The following HYDIN variants were observed in gnomAD, a reference collection of about 807,000 sequenced individuals.
The protein encoded by HYDIN is HYDIN axonemal central pair apparatus protein, also known as axonemal central pair apparatus protein HYDIN.
Under a neutral mutation model 403.9 loss-of-function variants are expected in HYDIN, and 132 were observed. The observed-to-expected ratio is 0.33, with a 90% CI of 0.28 to 0.38. The LOEUF (loss-of-function observed/expected upper bound fraction) is 0.38. HYDIN is among the 10% of genes least tolerant of loss of function. HYDIN has a pLI of 1.00. For missense variants in HYDIN, 2,827 were observed against 5,009.5 expected, an observed-to-expected ratio of 0.56 and a Z score of 13.15; for synonymous variants, 1,202 against 1,891.7, an observed-to-expected ratio of 0.64 and a Z score of 9.46.
intron 84 of HYDIN, 76 bp from the exon 85 acceptor site, chr16:70,810,083 C>T: frequency 7.3e-7 from 1 of 1,370,088 alleles, no homozygotes; most frequent in South Asian, 1.2e-5. Context: ...CTGCCCAAGG[C>T]TCCATAGCAG....
At position 71,227,369 on chromosome 16, in the gene HYDIN, A is replaced by C. The variant is rs947417883; in HGVS notation, c.-24+3193T>G. The stretch of plus-strand genomic sequence containing the variant: ...TATTCAACTAGAAAAAGAGGAAGTC[A>C]AATTGTCCCTGTTTGCAGATGACAT... On this transcript the variant is annotated intron_variant, in intron 1 of 85. Coordinates refer to ENST00000393567, the MANE Select transcript of HYDIN (RefSeq NM_001270974.2). Among the ~76,000 whole-genome samples the C allele has an allele frequency of 2.9e-4, 44 of 152,222 alleles. 2 individuals are homozygous for C. The highest frequency in any genetic ancestry group is 5.9e-5 in the Non-Finnish European group (4 of 68,040).
rs926606360 is a variant in HYDIN at position 70,943,857 on chromosome 16, C to G, written c.6624G>C (p.Val2208=). 1.2e-6 allele frequency: 2 copies of G among 1,613,658 alleles called. No individual in the cohort carries two copies. Among genetic ancestry groups the G allele is most frequent in the Admixed American group, 1.7e-5 (1 of 60,022 alleles). The stretch of plus-strand genomic sequence containing the variant: ...TCTGCACGAGAAGTTCATCCGGGAG[C>G]ACACAGCTCATCAGCCCGGTCTCGC... ...VGGETGLMSC[V]LPDELLVQIL... Residue 2208 remains valine (V), a synonymous_variant, in exon 42 of 86, where the codon GTG becomes GTC. Coordinates refer to ENST00000393567, the MANE Select transcript of HYDIN (RefSeq NM_001270974.2).
At chr16:71,020,760 G>A (rs1289697915) in intron 21 of HYDIN, among the ~76,000 whole-genome samples, 4 of 149,296 alleles carry the variant, frequency 2.7e-5, no homozygotes, top group Non-Finnish European at 5.9e-5. Flanking sequence ...ACTGAGTCGA[G>A]ATCACACCAC....
chr16:70,819,081 AT>A (rs1225821656), intron 83 of HYDIN, among the ~76,000 whole-genome samples: 2 of 150,068 alleles, frequency 1.3e-5, no homozygotes. Context: ...TGCCTGGCTA[AT>A]TTTTGCAGTT....
chr16:71,189,572 C>T (rs2144675521), intron 1 of HYDIN, among the ~76,000 whole-genome samples: 1 of 152,174 alleles, frequency 6.6e-6, no homozygotes, highest in African/African-American at 2.4e-5. Flanking sequence ...TTGAGACCAT[C>T]CTGGCTAACA....
At chr16:70,913,250 G>C (rs530360659) in intron 47 of HYDIN, among the ~76,000 whole-genome samples, 4 of 151,940 alleles carry the variant, frequency 2.6e-5, no homozygotes, top group African/African-American at 9.7e-5. Context: ...TGCTCTTTCA[G>C]TCTTTTTGAT....
chr16:70,980,525 C>CTATATA (rs759584043), intron 29 of HYDIN, among the ~76,000 whole-genome samples: 7 of 143,876 alleles, frequency 4.9e-5, no homozygotes, highest in Admixed American at 2.8e-4. Context: ...AGGGTCTTGC[C>CTATATA]TATATATATA....
chr16:70,980,758 G>A (rs892858603), intron 29 of HYDIN, among the ~76,000 whole-genome samples: 6 of 151,906 alleles, frequency 3.9e-5, no homozygotes, highest in African/African-American at 9.7e-5. Flanking sequence ...CTGATCCATC[G>A]TCCTGTACCT....
Position 71,230,141 on chromosome 16 carries a change from C to A in HYDIN, c.-24+421G>T, listed in dbSNP as rs557562015. Among the ~76,000 whole-genome samples, 10 of 152,324 alleles carry A rather than the reference C, an allele frequency of 6.6e-5. No individual in the cohort carries two copies. The South Asian group carries it at 1.9e-3, about 28-fold the overall frequency. On this transcript the variant is annotated intron_variant, in intron 1 of 85. Transcript: ENST00000393567. ...TTAAACCTCTTTTCTTTGTAATTAG[C>A]CTCAGATATGTCTTTATTAGCAGAA... is the stretch of plus-strand genomic sequence containing the variant.
chr16:71,066,112 C>T (rs2082255572), intron 15 of HYDIN, among the ~76,000 whole-genome samples: 1 of 151,418 alleles, frequency 6.6e-6, no homozygotes, highest in Non-Finnish European at 1.5e-5. Context: ...CCTCTTTAGA[C>T]CTTTTTTTTT....
intron 75 of HYDIN, among the ~76,000 whole-genome samples, chr16:70,841,882 A>G (rs1449335874): frequency 6.7e-6 from 1 of 150,172 alleles, no homozygotes; most frequent in Non-Finnish European, 1.5e-5. Context: ...TCTATTCATT[A>G]TAAATTACCC....
At chr16:71,055,160 G>A (rs2081837070) in intron 18 of HYDIN, among the ~76,000 whole-genome samples, 1 of 152,296 alleles carries the variant, frequency 6.6e-6, no homozygotes. Context: ...AGCACTGCTG[G>A]GGTAAAGTTA....
intron 45 of HYDIN, among the ~76,000 whole-genome samples, chr16:70,926,932 T>C (rs1022824250): frequency 4.6e-5 from 7 of 152,030 alleles, no homozygotes; most frequent in African/African-American, 1.7e-4. Context: ...GAAGAAAATA[T>C]TCAGTATAAA....
At chr16:71,001,736 AG>A (rs1216068934) in intron 23 of HYDIN, among the ~76,000 whole-genome samples, 1 of 151,242 alleles carries the variant, frequency 6.6e-6, no homozygotes, top group Non-Finnish European at 1.5e-5. Context: ...GTCTGCAGCC[AG>A]GGGAGACCAG....
At chr16:71,085,365 C>T (rs2082901947) in intron 12 of HYDIN, among the ~76,000 whole-genome samples, 1 of 127,944 alleles carries the variant, frequency 7.8e-6, no homozygotes, top group Non-Finnish European at 1.6e-5. Context: ...TAATTTTTGG[C>T]ATACAATTGT....
intron 46 of HYDIN, among the ~76,000 whole-genome samples, chr16:70,920,356 G>A (rs929181293): frequency 2.8e-5 from 4 of 144,200 alleles, no homozygotes; most frequent in African/African-American, 1.0e-4. Context: ...ACCATTACAG[G>A]TGGCTTCCCA....
In HYDIN at chr16:70,805,876, T is replaced by G. The variant is rs1014051596; in HGVS notation, c.*1704A>C. 5.3e-5 allele frequency among the ~76,000 whole-genome samples: 8 copies of G among 152,174 alleles called. No homozygotes were observed. Among genetic ancestry groups the G allele is most frequent in the Non-Finnish European group, 7.3e-5 (5 of 68,030 alleles). ...AATATTTAATGAAAAATTCCAGAAA[T>G]AAAAAATTCATACTTTTTAAATGGC... On this transcript the variant is annotated 3_prime_UTR_variant, in exon 86 of 86. Coordinates refer to ENST00000393567, the MANE Select transcript of HYDIN (RefSeq NM_001270974.2).
chr16:70,958,013 A>AT (rs1192480860), intron 39 of HYDIN, among the ~76,000 whole-genome samples: 1 of 136,346 alleles, frequency 7.3e-6, no homozygotes, highest in Non-Finnish European at 1.6e-5. Context: ...AATGTCTGGG[A>AT]TTTTTTTCTC....
chr16:70,891,061 G>A (rs2041434099), intron 57 of HYDIN, among the ~76,000 whole-genome samples: 1 of 151,834 alleles, frequency 6.6e-6, no homozygotes. Flanking sequence ...CCAGGCAGAA[G>A]ACTGTGTTTG....
Sources: allele counts gnomAD v4.1 joint callset (sites outside exome capture counted in the v4.1 genomes callset), GRCh38; gene constraint gnomAD v4.1.1; transcripts MANE v1.5; gene names NCBI Gene and HGNC (gene_info 2026-07-23, HGNC 2026-07-21).